The following SHANK2 variants were observed in gnomAD, a reference collection of about 807,000 sequenced individuals.
The protein encoded by SHANK2 is SH3 and multiple ankyrin repeat domains protein 2.
Under a neutral mutation model 133.7 loss-of-function variants are expected in SHANK2, and 43 were observed. The observed-to-expected ratio is 0.32, with a 90% confidence interval of 0.25 to 0.41. SHANK2 has a LOEUF of 0.41. Ranked by LOEUF, SHANK2 falls within the 10% of genes least tolerant of loss-of-function variation. SHANK2 has a pLI of 1.00. For missense variants in SHANK2, 1,994 were observed against 2,235.8 expected, an observed-to-expected ratio of 0.89 and a Z score of 2.18; for synonymous variants, 1,017 against 952.8, an observed-to-expected ratio of 1.07 and a Z score of -1.24.
At chr11:70,902,975 C>A (rs1950045243) in intron 10 of SHANK2, among the ~76,000 whole-genome samples, 1 of 152,190 alleles carries the variant, frequency 6.6e-6, no homozygotes, top group Non-Finnish European at 1.5e-5. Context: ...GCACGGCCCC[C>A]CTCCACTGAT....
At chr11:71,075,764 C>A (rs986971421) in intron 8 of SHANK2, among the ~76,000 whole-genome samples, 1 of 152,166 alleles carries the variant, frequency 6.6e-6, no homozygotes, top group East Asian at 1.9e-4. Flanking sequence ...CCCTGTCCTT[C>A]GACGTGCGAC....
intron 11 of SHANK2, among the ~76,000 whole-genome samples, chr11:70,875,120 T>C (rs570670845): frequency 2.0e-5 from 3 of 152,118 alleles, no homozygotes; most frequent in East Asian, 3.9e-4. Flanking sequence ...GGGGAAGGAG[T>C]ATTTTATCAT....
chr11:70,512,994 G>C (rs1269837594), intron 17 of SHANK2, among the ~76,000 whole-genome samples: 1 of 152,098 alleles, frequency 6.6e-6, no homozygotes, highest in East Asian at 1.9e-4. Flanking sequence ...TCTTCTGCAG[G>C]TAATAGCTAT....
intron 10 of SHANK2, among the ~76,000 whole-genome samples, chr11:70,935,212 C>T (rs999139679): frequency 9.9e-5 from 15 of 152,162 alleles, no homozygotes; most frequent in Admixed American, 3.9e-4. Flanking sequence ...CTTTGTCCAG[C>T]GTGTCCGTGC....
intron 3 of SHANK2, among the ~76,000 whole-genome samples, chr11:71,131,465 C>T (rs1427554003): frequency 2.0e-5 from 3 of 152,152 alleles, no homozygotes; most frequent in African/African-American, 7.2e-5. Context: ...ATTTTTCGCA[C>T]AGTGAAAGCT....
chr11:71,149,781 GATGA>G (rs1279906955), intron 2 of SHANK2, among the ~76,000 whole-genome samples: 1 of 138,420 alleles, frequency 7.2e-6, no homozygotes, highest in Non-Finnish European at 1.6e-5. Flanking sequence ...TGGATGGATG[GATGA>G]ATGGATGGAT....
At chr11:70,703,798 G>A (rs986905243) in intron 14 of SHANK2, among the ~76,000 whole-genome samples, 13 of 152,246 alleles carry the variant, frequency 8.5e-5, no homozygotes, top group South Asian at 2.1e-4. Flanking sequence ...ACCTTCAGCC[G>A]CGCATGCACC....
At chr11:70,756,188 A>G (rs1252835556) in intron 14 of SHANK2, among the ~76,000 whole-genome samples, 1 of 152,194 alleles carries the variant, frequency 6.6e-6, no homozygotes, top group Non-Finnish European at 1.5e-5. Flanking sequence ...AGAACCTTCC[A>G]GACTCCAGGC....
Position 70,485,287 on chromosome 11 carries a change from G to A in SHANK2, c.4979+27C>T, listed in dbSNP as rs781816512. The A allele has an allele frequency of 1.3e-6, 2 of 1,584,340 alleles. No individual in the cohort carries two copies. Among genetic ancestry groups the A allele is most frequent in the Admixed American group, 1.7e-5 (1 of 59,996 alleles). On this transcript the variant is annotated intron_variant, in intron 25 of 25. Transcript: ENST00000601538. The surrounding 1 kb of genome is among the most constrained non-coding windows in gnomAD (Gnocchi z 5.8). ...GCAGGGACAGTGCACGCAGAGCGGT[G>A]TGCATGTGCACCAACCGCGGACTTA...
At chr11:71,221,145 G>C (rs1954529014) in intron 2 of SHANK2, among the ~76,000 whole-genome samples, 1 of 150,206 alleles carries the variant, frequency 6.7e-6, no homozygotes, top group African/African-American at 2.5e-5. Flanking sequence ...AGGTTGCAGT[G>C]AGCCGAGATC....
At chr11:70,756,111 C>A (rs1212118260) in intron 14 of SHANK2, among the ~76,000 whole-genome samples, 1 of 152,088 alleles carries the variant, frequency 6.6e-6, no homozygotes, top group Non-Finnish European at 1.5e-5. Context: ...ACAGCTGCAG[C>A]CCCCGTGCGA....
rs782239254 is a variant in SHANK2, at chr11:70,487,075, G to T, written c.3218C>A (p.Thr1073Asn). ...GGCGGCGGCAAAGGGGCTGCTGACG[G>T]TCAGGCTTTCGTCAGGCCGCAGCTG... is the stretch of plus-strand genomic sequence containing the variant. ...PSQLRPDESL[T>N]VSSPFAAAIA... The change falls in exon 25 of 26, where the codon ACC (threonine) becomes AAC (asparagine). Residue 1073 changes from threonine to asparagine, a missense_variant. Around this residue, in one of 5 missense-constraint regions of SHANK2, gnomAD observed 488 missense variants for 642.6 expected, o/e 0.76. Coordinates refer to ENST00000601538, the MANE Select transcript of SHANK2 (RefSeq NM_012309.5). The surrounding 1 kb of genome is among the most constrained non-coding windows in gnomAD (Gnocchi z 5.8). 1 of 1,609,820 alleles carries T rather than the reference G, an allele frequency of 6.2e-7. No individual in the cohort carries two copies. The highest frequency in any genetic ancestry group is 2.2e-5 in the East Asian group (1 of 44,842).
At chr11:71,237,149 T>C (rs1335506308) in intron 1 of SHANK2, among the ~76,000 whole-genome samples, 2 of 152,190 alleles carry the variant, frequency 1.3e-5, no homozygotes, top group African/African-American at 2.4e-5. Context: ...CTGCAGACCA[T>C]GGCATCCTGA....
chr11:70,731,510 T>C (rs1420382255), intron 14 of SHANK2, among the ~76,000 whole-genome samples: 2 of 152,204 alleles, frequency 1.3e-5, no homozygotes, highest in Admixed American at 6.5e-5. Flanking sequence ...CAGTACACAA[T>C]GTGTGGCCTT....
intron 15 of SHANK2, among the ~76,000 whole-genome samples, chr11:70,697,846 G>A (rs1201465348): frequency 6.6e-6 from 1 of 152,134 alleles, no homozygotes; most frequent in African/African-American, 2.4e-5. Context: ...CAGCAGGGCC[G>A]GGCACAGGAC....
Position 70,486,229 on chromosome 11 carries a change from G to A in SHANK2, c.4064C>T (p.Thr1355Ile). 6.2e-7 allele frequency: 1 copy of A among 1,614,014 alleles called. No individual in the cohort carries two copies. Among genetic ancestry groups the A allele is most frequent in the Non-Finnish European group, 8.5e-7 (1 of 1,180,018 alleles). ...AGCGGAGATCTGTAAAGCACCTTCG[G>A]TTTCGGAAACACCTTCTGGCACCTC... ...PSEVPEGVSE[T>I]EGALQISAAP... Residue 1355 changes from threonine (T) to isoleucine (I), a missense_variant, in exon 25 of 26, where the codon ACC becomes ATC. This residue lies in a region of SHANK2 where 797 missense variants were observed against 907.4 expected (regional missense o/e 0.88). Transcript: ENST00000601538. The surrounding 1 kb of genome is among the most constrained non-coding windows in gnomAD (Gnocchi z 8.0).
At chr11:71,155,946 G>T (rs1425444152) in intron 2 of SHANK2, among the ~76,000 whole-genome samples, 2 of 152,214 alleles carry the variant, frequency 1.3e-5, no homozygotes, top group Non-Finnish European at 2.9e-5. Context: ...GTTCCACAAG[G>T]TCTTACAGGT....
intron 8 of SHANK2, among the ~76,000 whole-genome samples, chr11:71,075,810 C>G (rs1951211224): frequency 6.6e-6 from 1 of 152,176 alleles, no homozygotes; most frequent in Non-Finnish European, 1.5e-5. Context: ...CAGTCCAGCT[C>G]CTAAGTAAGT....
intron 11 of SHANK2, chr11:70,873,213 T>C (rs1949499779): frequency 2.3e-6 from 1 of 442,646 alleles, no homozygotes; most frequent in Non-Finnish European, 4.8e-6. Flanking sequence ...CACTAAACAA[T>C]GAGTTTTGCC....
Sources: gnomAD v4.1 joint callset for allele counts (sites outside exome capture counted in the v4.1 genomes callset) on GRCh38, gnomAD v4.1.1 for gene constraint, gnomAD v4.1.1 regional missense constraint, Gnocchi (gnomAD v3.1) non-coding constraint, MANE v1.5 for transcripts, NCBI Gene and HGNC (gene_info 2026-07-23, HGNC 2026-07-21) for gene names.